JADE1: variants seen among roughly 807,000 people sequenced by gnomAD.
JADE1 encodes jade family PHD finger 1.
In JADE1, 14 loss-of-function variants were observed where a neutral mutation model predicts 81.8. That is an observed-to-expected ratio of 0.17 (90% CI 0.11 to 0.27). The LOEUF (loss-of-function observed/expected upper bound fraction) is 0.27. JADE1 is among the 10% of genes least tolerant of loss of function. JADE1 has a pLI of 1.00. For missense variants in JADE1, 690 were observed against 1,047.9 expected (o/e 0.66, Z 4.71); for synonymous variants, 353 against 391.9 (o/e 0.90, Z 1.17).
At chr4:128,822,722 G>GA (rs1023270069) in intron 1 of JADE1, among the ~76,000 whole-genome samples, 1,589 of 139,506 alleles carry the variant, frequency 0.011, 26 homozygotes, top group African/African-American at 0.038. Context: ...TCCGTCTCAA[G>GA]AAAAAAAAAA....
At chr4:128,859,393 G>A (rs1731097244) in intron 8 of JADE1, among the ~76,000 whole-genome samples, 1 of 152,144 alleles carries the variant, frequency 6.6e-6, no homozygotes, top group Non-Finnish European at 1.5e-5. Flanking sequence ...GAGTATGCAT[G>A]CGTGAGTGCG....
intron 8 of JADE1, among the ~76,000 whole-genome samples, chr4:128,861,067 C>T (rs922158451): frequency 6.6e-6 from 1 of 152,188 alleles, no homozygotes; most frequent in Non-Finnish European, 1.5e-5. Context: ...GGGACTCTTC[C>T]TGGCTGGGGA....
At chr4:128,864,762 T>C in intron 9 of JADE1, 1 of 248,450 alleles carries the variant, frequency 4.0e-6, no homozygotes, top group Non-Finnish European at 6.4e-6. Flanking sequence ...GACAAATAAG[T>C]AGCCATCATT....
Position 128,874,454 on chromosome 4 carries a change from G to A in JADE1, c.*2192G>A, listed in dbSNP as rs995348207. On this transcript the variant is annotated 3_prime_UTR_variant, in exon 11 of 11. Transcript: ENST00000226319. The stretch of plus-strand genomic sequence containing the variant: ...CATTTAGGTTGAAAAGCTTTCAAAT[G>A]TTCCAAGTTATGCTGAACCAAAAAA... 1.6e-4 allele frequency: 25 copies of A among 152,070 alleles called. No homozygotes were observed. The highest frequency in any genetic ancestry group is 6.1e-4 in the African/African-American group (25 of 41,308). 9.4% of individuals were successfully genotyped at this position (152,070 alleles called of 1,614,324 possible). A position where few individuals can be genotyped will look rare whatever the true frequency, so the allele number is the denominator to read the frequency against.
chr4:128,862,383 G>T, intron 9 of JADE1, 158 bp downstream of exon 9: 7 of 1,444,992 alleles, frequency 4.8e-6, no homozygotes, highest in Non-Finnish European at 5.5e-6. Context: ...TTATGGGCTG[G>T]TAAACTCATT....
chr4:128,853,292 A>G (rs1268231177), intron 6 of JADE1, among the ~76,000 whole-genome samples: 10 of 152,230 alleles, frequency 6.6e-5, no homozygotes, highest in Admixed American at 6.5e-4. Flanking sequence ...AATCTAAAGA[A>G]GGTCACATTT....
intron 2 of JADE1, among the ~76,000 whole-genome samples, chr4:128,836,642 C>CTG (rs1416389725): frequency 2.6e-5 from 4 of 151,988 alleles, no homozygotes; most frequent in African/African-American, 9.6e-5. Flanking sequence ...TTCAGTAAAC[C>CTG]TGTAGAGGCT....
At chr4:128,854,050 C>T (rs1156302402) in intron 6 of JADE1, among the ~76,000 whole-genome samples, 1 of 152,168 alleles carries the variant, frequency 6.6e-6, no homozygotes, top group African/African-American at 2.4e-5. Flanking sequence ...ACTTGGCTGA[C>T]TTCTCAGTCT....
chr4:128,844,404 TCTACCA>T (rs1263580509), intron 3 of JADE1, among the ~76,000 whole-genome samples: 6 of 152,206 alleles, frequency 3.9e-5, no homozygotes, highest in African/African-American at 1.4e-4. Flanking sequence ...ACTAACATAC[TCTACCA>T]GAGACTCCAG....
intron 1 of JADE1, among the ~76,000 whole-genome samples, chr4:128,825,083 G>C (rs905295083): frequency 6.6e-6 from 1 of 151,798 alleles, no homozygotes; most frequent in African/African-American, 2.4e-5. Flanking sequence ...TATATTGCCC[G>C]GGCTGGGGTG....
chr4:128,871,624 T>C lies in JADE1; in HGVS notation c.1891T>C (p.Leu631=), dbSNP rs771111304. 1.2e-6 allele frequency: 2 copies of C among 1,614,188 alleles called. No individual in the cohort carries two copies. The highest frequency in any genetic ancestry group is 1.7e-5 in the Admixed American group (1 of 60,024). ...REGMVVPESF[L]GLEKTFAEAR... is the part of the protein sequence containing the mutation. ...GGGGATGGTGGTCCCAGAGAGCTTT[T>C]TGGGTTTAGAAAAGACCTTTGCAGA... Residue 631 remains leucine (L), a synonymous_variant, in exon 11 of 11, where the codon TTG becomes CTG. Coordinates refer to ENST00000226319, the MANE Select transcript of JADE1 (RefSeq NM_199320.4). This position sits in a 1 kb window ranked among gnomAD's most constrained non-coding sequence, Gnocchi z 4.1.
rs776795342 is a variant in JADE1, at chr4:128,843,051, T to A, written c.138+13T>A. ...AAAGCCTTCAGAGGTACTTCTTGAA[T>A]GCTTGCCTGACCGTGCATGAATATA... On this transcript the variant is annotated intron_variant, in intron 3 of 10. Transcript: ENST00000226319. The A allele has an allele frequency of 6.2e-7, 1 of 1,607,494 alleles. No individual in the cohort carries two copies. The highest frequency in any genetic ancestry group is 1.1e-5 in the South Asian group (1 of 90,906).
intron 3 of JADE1, among the ~76,000 whole-genome samples, chr4:128,845,064 C>G (rs994494620): frequency 1.3e-5 from 2 of 152,198 alleles, no homozygotes; most frequent in African/African-American, 2.4e-5. Context: ...CAAGCTTGCT[C>G]GATGCCAAAC....
chr4:128,833,327 G>A (rs1287715451), intron 2 of JADE1, among the ~76,000 whole-genome samples: 1 of 152,092 alleles, frequency 6.6e-6, no homozygotes, highest in Admixed American at 6.6e-5. Flanking sequence ...CCTGTGTGGC[G>A]CCTATCAAAG....
chr4:128,813,407 CTTTTTTT>C (rs72296886), intron 1 of JADE1, among the ~76,000 whole-genome samples: 1,661 of 115,570 alleles, frequency 0.014, 41 homozygotes, highest in African/African-American at 0.052. Context: ...CTTACGGTCA[CTTTTTTT>C]TTTTTTTTTT....
chr4:128,834,727 G>C (rs1728840851), intron 2 of JADE1, among the ~76,000 whole-genome samples: 1 of 151,646 alleles, frequency 6.6e-6, no homozygotes, highest in African/African-American at 2.4e-5. Context: ...GTAGAGACAG[G>C]GTTTCATCAT....
chr4:128,862,550 C>A, intron 9 of JADE1: 1 of 1,157,730 alleles, frequency 8.6e-7, no homozygotes, highest in Non-Finnish European at 1.1e-6. Context: ...GTGAATGAGC[C>A]CCAAGAAAAT....
In JADE1 at chr4:128,826,035, C is replaced by A. The variant is rs146401704; in HGVS notation, c.-26-5698C>A. Among the ~76,000 whole-genome samples, 319 of 152,326 alleles carry A rather than the reference C, an allele frequency of 2.1e-3. 1 individual carries two copies. Among genetic ancestry groups the A allele is most frequent in the Middle Eastern group, 3.4e-3 (1 of 294 alleles). ...AGGCAGTGTTCTGTTTTTAATTTAA[C>A]TTCCTAGGTAGTCTTCCTCTTTTTG... On this transcript the variant is annotated intron_variant, in intron 1 of 10. Transcript: ENST00000226319.
rs991464088 is a variant in JADE1 at position 128,846,147 on chromosome 4, T to C, written c.139-228T>C. Among the ~76,000 whole-genome samples the C allele has an allele frequency of 2.6e-5, 4 of 152,062 alleles. No individual in the cohort carries two copies. Among genetic ancestry groups the C allele is most frequent in the African/African-American group, 9.7e-5 (4 of 41,382 alleles). ...TTTTTGTTGACGTTGTTGTGGACACTATGGACTGAGGGAGTGAGAGGGCAG... is the reference window on the plus strand; with the variant it reads ...TTTTTGTTGACGTTGTTGTGGACACCATGGACTGAGGGAGTGAGAGGGCAG... On this transcript the variant is annotated intron_variant, in intron 3 of 10. Transcript: ENST00000226319. This position sits in a 1 kb window ranked among gnomAD's most constrained non-coding sequence, Gnocchi z 4.0.
Sources: allele counts gnomAD v4.1 joint callset (sites outside exome capture counted in the v4.1 genomes callset), GRCh38; gene constraint gnomAD v4.1.1; non-coding constraint Gnocchi (gnomAD v3.1); transcripts MANE v1.5; gene names NCBI Gene and HGNC (gene_info 2026-07-23, HGNC 2026-07-21).